The following ENPP1 variants were observed in gnomAD, a reference collection of about 807,000 sequenced individuals.
The protein encoded by ENPP1 is ectonucleotide pyrophosphatase/phosphodiesterase family member 1.
In ENPP1, 73 loss-of-function variants were observed where a neutral mutation model predicts 122.8. That is an observed-to-expected ratio of 0.59 (90% CI 0.49 to 0.72). ENPP1 has a LOEUF of 0.72. Ranked by LOEUF, ENPP1 falls within the 30% of genes least tolerant of loss-of-function variation. The probability of loss-of-function intolerance (pLI) is 0.00; values close to 1 mark genes in which losing one functional copy is unlikely to be tolerated. For synonymous variants in ENPP1, 367 were observed against 391.6 expected, an observed-to-expected ratio of 0.94 and a Z score of 0.74; for missense variants, 978 against 1,128.1, an observed-to-expected ratio of 0.87 and a Z score of 1.91.
rs1345035256 is a variant in ENPP1 at position 131,808,060 on chromosome 6, G to A, written c.25G>A (p.Gly9Ser). The A allele has an allele frequency of 2.0e-6, 2 of 991,608 alleles. No individual in the cohort carries two copies. Among genetic ancestry groups the A allele is most frequent in the Non-Finnish European group, 2.4e-6 (2 of 835,014 alleles). 61.4% of individuals were successfully genotyped at this position (991,608 alleles called of 1,614,324 possible). A position where few individuals can be genotyped will look rare whatever the true frequency, so the allele number is the denominator to read the frequency against. MERDGCAGGGSRGGEGGRA... is the reference protein window; with the variant it reads MERDGCAGSGSRGGEGGRA... The stretch of plus-strand genomic sequence containing the variant: ...GATGGAGCGCGACGGCTGCGCGGGG[G>A]GCGGGAGCCGCGGCGGCGAGGGCGG... Residue 9 changes from glycine (G) to serine (S), a missense_variant, in exon 1 of 25, where the codon GGC (glycine) becomes AGC (serine). Transcript: ENST00000647893.
chr6:131,818,078 A>G (rs1275272619), intron 1 of ENPP1, among the ~76,000 whole-genome samples: 1 of 152,126 alleles, frequency 6.6e-6, no homozygotes, highest in African/African-American at 2.4e-5. Context: ...CTGCTTAGAA[A>G]GCTTTTTTTG....
At chr6:131,887,795 G>C (rs1158046140) in intron 24 of ENPP1, among the ~76,000 whole-genome samples, 1 of 143,494 alleles carries the variant, frequency 7.0e-6, no homozygotes, top group Non-Finnish European at 1.5e-5. Context: ...TCAATCTCCT[G>C]ACCTTGTGAT....
intron 7 of ENPP1, among the ~76,000 whole-genome samples, chr6:131,859,972 A>G (rs1337044560): frequency 2.0e-5 from 3 of 152,146 alleles, no homozygotes; most frequent in Non-Finnish European, 4.4e-5. Context: ...TATAGCCTCC[A>G]TGGAATGCTG....
chr6:131,811,896 A>G (rs528189869), intron 1 of ENPP1, among the ~76,000 whole-genome samples: 16 of 152,288 alleles, frequency 1.1e-4, no homozygotes, highest in African/African-American at 3.9e-4. Flanking sequence ...AGTTTGTCCC[A>G]CATTGCTGGG....
intron 1 of ENPP1, among the ~76,000 whole-genome samples, chr6:131,836,024 C>A (rs938115175): frequency 1.1e-4 from 17 of 152,248 alleles, no homozygotes; most frequent in African/African-American, 3.6e-4. Context: ...AACTTCTCAA[C>A]CTTCTCTGAC....
intron 1 of ENPP1, among the ~76,000 whole-genome samples, chr6:131,841,113 G>A (rs1396294493): frequency 6.6e-6 from 1 of 152,152 alleles, no homozygotes. Flanking sequence ...CTGCTTGAGT[G>A]GACTTAGGAA....
intron 1 of ENPP1, among the ~76,000 whole-genome samples, chr6:131,845,592 G>A (rs1781799811): frequency 6.6e-6 from 1 of 151,326 alleles, no homozygotes; most frequent in Non-Finnish European, 1.5e-5. Context: ...CGAGCAGCAG[G>A]GATTATAGGC....
At chr6:131,855,271 A>T (rs1781931507) in intron 6 of ENPP1, among the ~76,000 whole-genome samples, 1 of 152,124 alleles carries the variant, frequency 6.6e-6, no homozygotes, top group Non-Finnish European at 1.5e-5. Flanking sequence ...ATATGTATTT[A>T]TTCTTTCTCA....
chr6:131,855,101 A>G, intron 6 of ENPP1, 78 bp downstream of exon 6: 2 of 1,045,912 alleles, frequency 1.9e-6, no homozygotes, highest in South Asian at 1.3e-5. Flanking sequence ...TTCTTGGAAA[A>G]GTACTGGCAG....
intron 1 of ENPP1, chr6:131,826,434 C>A: frequency 1.1e-6 from 1 of 920,054 alleles, no homozygotes; most frequent in Non-Finnish European, 1.8e-6. Flanking sequence ...TAGATAATGC[C>A]CCAGTTTATC....
At chr6:131,813,031 G>A (rs980944074) in intron 1 of ENPP1, among the ~76,000 whole-genome samples, 21 of 152,064 alleles carry the variant, frequency 1.4e-4, no homozygotes, top group African/African-American at 5.1e-4. Context: ...AGTAGAGACA[G>A]GGTTTCACTT....
At chr6:131,888,797 C>T (rs375592275) in intron 24 of ENPP1, among the ~76,000 whole-genome samples, 4 of 152,210 alleles carry the variant, frequency 2.6e-5, no homozygotes, top group Non-Finnish European at 4.4e-5. Context: ...TTCATTATTT[C>T]GTTTGAGAGA....
chr6:131,863,312 A>G (rs1032642871), intron 9 of ENPP1, among the ~76,000 whole-genome samples: 6 of 152,256 alleles, frequency 3.9e-5, no homozygotes, highest in Non-Finnish European at 8.8e-5. Flanking sequence ...TCTCTGTGAT[A>G]TTTGAAATCC....
chr6:131,865,834 A>C (rs898969808), intron 11 of ENPP1, among the ~76,000 whole-genome samples: 2 of 152,078 alleles, frequency 1.3e-5, no homozygotes, highest in African/African-American at 4.8e-5. Context: ...TCTCTACTAA[A>C]AATACAAAAA....
chr6:131,867,967 T>A, intron 11 of ENPP1, 51 bp from the exon 12 acceptor site: 2 of 1,060,820 alleles, frequency 1.9e-6, no homozygotes, highest in Non-Finnish European at 1.5e-6. Flanking sequence ...TATGTATAAA[T>A]AGCCATTAGT....
intron 6 of ENPP1, among the ~76,000 whole-genome samples, chr6:131,855,910 A>G (rs532751081): frequency 1.6e-3 from 237 of 152,252 alleles, no homozygotes; most frequent in African/African-American, 5.4e-3. Context: ...ATACTGGACT[A>G]AAATAGATGT....
chr6:131,895,020 T>C lies in ENPP1; in HGVS notation c.*4509T>C, dbSNP rs1585852490. 2 of 152,280 alleles carry C rather than the reference T, an allele frequency of 1.3e-5. No individual in the cohort carries two copies. The highest frequency in any genetic ancestry group is 4.8e-5 in the African/African-American group (2 of 41,478). The allele number at this position is 152,280 out of a possible 1,614,324, so 9.4% of individuals were successfully genotyped here. A position where few individuals can be genotyped will look rare whatever the true frequency, so the allele number is the denominator to read the frequency against. On this transcript the variant is annotated 3_prime_UTR_variant, in exon 25 of 25. Coordinates refer to ENST00000647893, the MANE Select transcript of ENPP1 (RefSeq NM_006208.3). ...ATAAGCATTAAGTAAAATTTTATAA[T>C]GACTGCAGTCCAAGGACATTTTCCC...
At chr6:131,885,128 C>T (rs1174413774) in intron 23 of ENPP1, 65 bp downstream of exon 23, 26 of 1,521,774 alleles carry the variant, frequency 1.7e-5, no homozygotes, top group Non-Finnish European at 2.4e-5. Flanking sequence ...GGATTACCAT[C>T]CAGTTGAGTC....
chr6:131,855,042 T>C lies in ENPP1; in HGVS notation c.715+19T>C. The stretch of plus-strand genomic sequence containing the variant: ...AAACTAAGTGAGTAACTTCAGAGTT[T>C]ACTGCTGGAATATCACCATTTCAGT... On this transcript the variant is annotated intron_variant, in intron 6 of 24. Coordinates refer to ENST00000647893, the MANE Select transcript of ENPP1 (RefSeq NM_006208.3). 1 of 1,484,224 alleles carries C rather than the reference T, an allele frequency of 6.7e-7. No individual in the cohort carries two copies. The highest frequency in any genetic ancestry group is 9.4e-7 in the Non-Finnish European group (1 of 1,061,680). 91.9% of individuals were successfully genotyped at this position (1,484,224 alleles called of 1,614,324 possible). A position where few individuals can be genotyped will look rare whatever the true frequency, so the allele number is the denominator to read the frequency against.
Sources: allele counts gnomAD v4.1 joint callset (sites outside exome capture counted in the v4.1 genomes callset), GRCh38; gene constraint gnomAD v4.1.1; transcripts MANE v1.5; gene names NCBI Gene and HGNC (gene_info 2026-07-23, HGNC 2026-07-21).